Variants in SVIL observed in about 807,000 individuals in gnomAD.
SVIL encodes the protein supervillin.
In SVIL, 101 loss-of-function variants were observed where a neutral mutation model predicts 240.4. The ratio of observed to expected loss-of-function variants is 0.42; its 90% confidence interval spans 0.36 to 0.50. The LOEUF (loss-of-function observed/expected upper bound fraction) is 0.50, where lower values mean the gene tolerates loss of function less well. Ranked by LOEUF, SVIL falls within the 20% of genes least tolerant of loss-of-function variation. The pLI is 0.01. For missense variants in SVIL, 2,512 were observed against 2,818.7 expected, an observed-to-expected ratio of 0.89 and a Z score of 2.46; for synonymous variants, 999 against 1,100.0, an observed-to-expected ratio of 0.91 and a Z score of 1.82.
chr10:29,540,801 T>G (rs1204786469), intron 6 of SVIL, among the ~76,000 whole-genome samples: 1 of 152,230 alleles, frequency 6.6e-6, no homozygotes, highest in Admixed American at 6.5e-5. Flanking sequence ...CGATTACCTA[T>G]GAATTCTGCA....
At chr10:29,653,270 T>A (rs1958899425) in intron 3 of SVIL, among the ~76,000 whole-genome samples, 1 of 152,160 alleles carries the variant, frequency 6.6e-6, no homozygotes, top group Non-Finnish European at 1.5e-5. Flanking sequence ...TGAGTTCTCA[T>A]GAGATCTGGT....
intron 17 of SVIL, among the ~76,000 whole-genome samples, chr10:29,503,789 G>A (rs1036525890): frequency 6.6e-6 from 1 of 152,164 alleles, no homozygotes; most frequent in African/African-American, 2.4e-5. Context: ...AACTTGAGCT[G>A]TACATTCGAT....
At position 29,677,735 on chromosome 10, in the gene SVIL, T is replaced by C. The variant is rs185650116; in HGVS notation, c.-301+8818A>G. ...TGTGACCAGCGAGGATACATTTTCATTGGCCACTTACTGTCGGATTCCCAA... is the reference window on the plus strand; with the variant it reads ...TGTGACCAGCGAGGATACATTTTCACTGGCCACTTACTGTCGGATTCCCAA... On this transcript the variant is annotated intron_variant, in intron 2 of 35. Transcript: ENST00000375400. Among the ~76,000 whole-genome samples, 3 of 152,248 alleles carry C rather than the reference T, an allele frequency of 2.0e-5. No individual in the cohort carries two copies. The East Asian group carries it at 5.8e-4, about 29-fold the overall frequency.
chr10:29,487,969 G>A (rs1312991522), intron 23 of SVIL, among the ~76,000 whole-genome samples: 1 of 152,134 alleles, frequency 6.6e-6, no homozygotes. Flanking sequence ...TGGAGGGAGA[G>A]GATATTTCCT....
intron 1 of SVIL, among the ~76,000 whole-genome samples, chr10:29,611,145 T>A (rs903565485): frequency 6.6e-6 from 1 of 152,178 alleles, no homozygotes; most frequent in African/African-American, 2.4e-5. Context: ...CTCAGTCAAG[T>A]ATCCTCACTG....
At chr10:29,713,288 G>GCA (rs1314313444) in intron 1 of SVIL, among the ~76,000 whole-genome samples, 2 of 152,028 alleles carry the variant, frequency 1.3e-5, no homozygotes, top group Admixed American at 1.3e-4. Context: ...GTGTGTGTGT[G>GCA]TGCATGTGAA....
intron 3 of SVIL, 57 bp downstream of exon 3, chr10:29,563,144 C>T (rs1044094624): frequency 1.9e-5 from 11 of 578,952 alleles, no homozygotes; most frequent in Non-Finnish European, 2.2e-5. Context: ...CAAGGAAATT[C>T]GGACAACACA....
At chr10:29,611,444 T>C (rs1225940862) in intron 1 of SVIL, among the ~76,000 whole-genome samples, 1 of 151,642 alleles carries the variant, frequency 6.6e-6, no homozygotes, top group Non-Finnish European at 1.5e-5. Context: ...CCCCAACTAC[T>C]CCCAAGCAGG....
At chr10:29,686,234 T>C (rs190702161) in intron 2 of SVIL, among the ~76,000 whole-genome samples, 1 of 152,322 alleles carries the variant, frequency 6.6e-6, no homozygotes, top group East Asian at 1.9e-4. Flanking sequence ...ATCTTGGAAA[T>C]TCTTTCATAA....
intron 1 of SVIL, among the ~76,000 whole-genome samples, chr10:29,716,810 T>A (rs1168391229): frequency 6.6e-6 from 1 of 152,248 alleles, no homozygotes; most frequent in African/African-American, 2.4e-5. Context: ...GATCATGTGT[T>A]CTTTGCCAAT....
chr10:29,554,208 G>A (rs1229128247), intron 5 of SVIL, among the ~76,000 whole-genome samples: 8 of 152,088 alleles, frequency 5.3e-5, no homozygotes, highest in South Asian at 2.1e-4. Flanking sequence ...GTACTTGGGA[G>A]GCTGAGGTGG....
At position 29,502,123 on chromosome 10, in the gene SVIL, A is replaced by C. The variant is rs181763753; in HGVS notation, c.3517-2860T>G. On this transcript the variant is annotated intron_variant, in intron 17 of 37. Transcript: ENST00000355867. ...CGTTTGCCAGACCTAGGGCAAGAAG[A>C]AATAATTTTTACTCCCTTCTGAATA... Among the ~76,000 whole-genome samples the C allele has an allele frequency of 4.6e-5, 7 of 152,368 alleles. No homozygotes were observed. The East Asian group carries it at 1.3e-3, about 29-fold the overall frequency.
intron 1 of SVIL, among the ~76,000 whole-genome samples, chr10:29,630,206 A>G (rs1958031613): frequency 1.3e-5 from 2 of 152,336 alleles, no homozygotes; most frequent in African/African-American, 4.8e-5. Context: ...AGCTCTGCAC[A>G]GGGAAAGTGC....
intron 1 of SVIL, among the ~76,000 whole-genome samples, chr10:29,570,423 T>A (rs913943957): frequency 1.2e-4 from 19 of 152,220 alleles, no homozygotes; most frequent in African/African-American, 3.6e-4. Context: ...TCAAATATGA[T>A]ACTCAAAATA....
At chr10:29,594,557 T>C (rs1956509556) in intron 1 of SVIL, among the ~76,000 whole-genome samples, 1 of 116,740 alleles carries the variant, frequency 8.6e-6, no homozygotes, top group Non-Finnish European at 1.9e-5. Flanking sequence ...TTAATTTTTT[T>C]TCTTTTTTTT....
At chr10:29,728,141 C>T (rs10826684) in intron 1 of SVIL, among the ~76,000 whole-genome samples, 27,763 of 152,030 alleles carry the variant, frequency 0.18, 3,214 homozygotes, top group East Asian at 0.27. Context: ...TGACTTACAC[C>T]CACCCTGGAC....
intron 6 of SVIL, among the ~76,000 whole-genome samples, 152 bp downstream of exon 6, chr10:29,550,444 GA>G (rs55843963): frequency 4.2e-4 from 56 of 132,926 alleles, no homozygotes; most frequent in Middle Eastern, 4.2e-3. Context: ...CCTGTCTTCA[GA>G]AAAAAAAAAA....
In SVIL at chr10:29,507,664, A is replaced by G. The variant is rs961444479; in HGVS notation, c.3516+5071T>C. 3 of 761,162 alleles carry G rather than the reference A, an allele frequency of 3.9e-6. No homozygotes were observed. In the African/African-American group the frequency reaches 5.7e-5, roughly 14 times the overall value. 47.2% of individuals were successfully genotyped at this position (761,162 alleles called of 1,614,324 possible). On this transcript the variant is annotated intron_variant, in intron 17 of 37. Coordinates refer to ENST00000355867, the MANE Select transcript of SVIL (RefSeq NM_021738.3). ...AATGCACCAAATAAGTTATTTCCCA[A>G]AATTAAAACAGAAGTTCTTTTCCTA...
chr10:29,555,445 A>T (rs1166523728), intron 3 of SVIL, among the ~76,000 whole-genome samples: 1 of 152,178 alleles, frequency 6.6e-6, no homozygotes, highest in Non-Finnish European at 1.5e-5. Flanking sequence ...AGACATGCTC[A>T]CTCAACATAC....
Sources: gnomAD v4.1 joint callset for allele counts (sites outside exome capture counted in the v4.1 genomes callset) on GRCh38, gnomAD v4.1.1 for gene constraint, MANE v1.5 for transcripts, NCBI Gene and HGNC (gene_info 2026-07-23, HGNC 2026-07-21) for gene names.